PRKCA: variants seen among roughly 807,000 people sequenced by gnomAD.
The protein encoded by PRKCA is protein kinase C alpha.
A neutral mutation model predicts 87.0 loss-of-function variants in PRKCA; 27 were observed. That is an observed-to-expected ratio of 0.31 (90% CI 0.23 to 0.43). The LOEUF is 0.43. PRKCA is among the 20% of genes least tolerant of loss of function. The pLI is 1.00. For synonymous variants in PRKCA, 329 were observed against 311.1 expected, an observed-to-expected ratio of 1.06 and a Z score of -0.61; for missense variants, 518 against 852.3, an observed-to-expected ratio of 0.61 and a Z score of 4.88.
At chr17:66,796,816 C>T (rs1975681118) in intron 16 of PRKCA, 1 of 985,248 alleles carries the variant, frequency 1.0e-6, no homozygotes, top group Admixed American at 6.2e-5. Context: ...CTCCACTGTA[C>T]CCCAGCACTG....
At chr17:66,622,684 G>A (rs1482455056) in intron 3 of PRKCA, among the ~76,000 whole-genome samples, 9 of 152,196 alleles carry the variant, frequency 5.9e-5, no homozygotes, top group Admixed American at 6.5e-5. Flanking sequence ...AAGAAAAGTA[G>A]GTCTAATGGA....
intron 3 of PRKCA, among the ~76,000 whole-genome samples, chr17:66,520,811 CT>C (rs1031728070): frequency 6.6e-6 from 1 of 152,044 alleles, no homozygotes; most frequent in African/African-American, 2.4e-5. Context: ...AGATTTCTTC[CT>C]AAACTTATCA....
intron 14 of PRKCA, among the ~76,000 whole-genome samples, chr17:66,776,343 G>C (rs1288784744): frequency 1.3e-5 from 2 of 152,154 alleles, no homozygotes; most frequent in African/African-American, 4.8e-5. Context: ...ATGGAGTTTT[G>C]CTCTGTTGCC....
intron 2 of PRKCA, among the ~76,000 whole-genome samples, chr17:66,457,009 T>C (rs1012217772): frequency 6.6e-6 from 1 of 152,200 alleles, no homozygotes; most frequent in African/African-American, 2.4e-5. Context: ...GAGAGGTTCA[T>C]GTAAACCTTT....
chr17:66,553,509 G>A (rs1426302865), intron 3 of PRKCA, among the ~76,000 whole-genome samples: 1 of 152,206 alleles, frequency 6.6e-6, no homozygotes, highest in Non-Finnish European at 1.5e-5. Context: ...CCTCTTAAGT[G>A]TGGACTAGAT....
intron 13 of PRKCA, among the ~76,000 whole-genome samples, chr17:66,743,579 C>A (rs1470238257): frequency 2.6e-5 from 4 of 151,932 alleles, no homozygotes; most frequent in Non-Finnish European, 5.9e-5. Context: ...GATTTTTTTT[C>A]CTGTTTTATG....
chr17:66,440,682 C>T lies in PRKCA; in HGVS notation c.206-55519C>T, dbSNP rs76779107. On this transcript the variant is annotated intron_variant, in intron 2 of 16. Transcript: ENST00000413366. ...TTTGAGGCCTGGACAACCCACAGAC[C>T]GAGGGTGGGCTAGTGAGAGCCAGTG... Among the ~76,000 whole-genome samples, 1,288 of 152,072 alleles carry T rather than the reference C, an allele frequency of 8.5e-3. 16 individuals carry two copies. Among genetic ancestry groups the T allele is most frequent in the African/African-American group, 0.029 (1,209 of 41,472 alleles).
intron 2 of PRKCA, 89 bp downstream of exon 2, chr17:66,306,216 C>G (rs1567763577): frequency 4.4e-6 from 6 of 1,353,464 alleles, no homozygotes; most frequent in Non-Finnish European, 5.1e-6. Flanking sequence ...ATTTTCTTTC[C>G]AATAAAAAAA....
chr17:66,767,770 C>T (rs1216426245), intron 13 of PRKCA, among the ~76,000 whole-genome samples: 1 of 152,150 alleles, frequency 6.6e-6, no homozygotes, highest in Non-Finnish European at 1.5e-5. Context: ...AGGGCAACAT[C>T]ACTTCCTCTC....
chr17:66,307,224 T>C (rs1170664978), intron 2 of PRKCA, among the ~76,000 whole-genome samples: 1 of 152,176 alleles, frequency 6.6e-6, no homozygotes, highest in African/African-American at 2.4e-5. Flanking sequence ...CCCTACTGAG[T>C]GTATCATTTT....
Position 66,302,794 on chromosome 17 carries a change from A to G in PRKCA, c.-58A>G. 3.1e-6 allele frequency: 2 copies of G among 648,864 alleles called. No individual in the cohort carries two copies. The highest frequency in any genetic ancestry group is 4.6e-6 in the Non-Finnish European group (2 of 431,260). 40.2% of individuals were successfully genotyped at this position (648,864 alleles called of 1,614,324 possible). A position where few individuals can be genotyped will look rare whatever the true frequency, so the allele number is the denominator to read the frequency against. On this transcript the variant is annotated 5_prime_UTR_variant, in exon 1 of 17. Transcript: ENST00000413366. Reference sequence around the variant, plus strand: ...CACCTCTCCCCCGCCGCCCCCGCCCACCCGGCCCTCCGCGGCCGCAGCTCC... The same window carrying G: ...CACCTCTCCCCCGCCGCCCCCGCCCGCCCGGCCCTCCGCGGCCGCAGCTCC...
intron 8 of PRKCA, among the ~76,000 whole-genome samples, chr17:66,695,855 A>G (rs1028745003): frequency 1.4e-4 from 22 of 152,372 alleles, no homozygotes; most frequent in Non-Finnish European, 3.1e-4. Flanking sequence ...TGGATAATAT[A>G]TCACATATTA....
chr17:66,771,911 GC>G (rs921816725), intron 13 of PRKCA, among the ~76,000 whole-genome samples: 6 of 152,100 alleles, frequency 3.9e-5, no homozygotes, highest in Admixed American at 3.3e-4. Context: ...TATTTCTTTA[GC>G]TTTTCATTTT....
At chr17:66,379,747 G>C (rs1278254706) in intron 2 of PRKCA, among the ~76,000 whole-genome samples, 1 of 152,062 alleles carries the variant, frequency 6.6e-6, no homozygotes, top group Non-Finnish European at 1.5e-5. Flanking sequence ...CTTTTTTTGG[G>C]AGGTCGGTCA....
At chr17:66,449,864 G>GT (rs1914222606) in intron 2 of PRKCA, among the ~76,000 whole-genome samples, 2 of 151,898 alleles carry the variant, frequency 1.3e-5, no homozygotes, top group South Asian at 2.1e-4. Flanking sequence ...TTTTGTTGTT[G>GT]TTTTTTTGTT....
chr17:66,477,679 A>T (rs567412402), intron 2 of PRKCA, among the ~76,000 whole-genome samples: 2 of 152,228 alleles, frequency 1.3e-5, no homozygotes, highest in African/African-American at 2.4e-5. Flanking sequence ...CAGCCTGGGC[A>T]ACAGAGTGAG....
At chr17:66,464,320 A>G (rs1419807904) in intron 2 of PRKCA, among the ~76,000 whole-genome samples, 2 of 152,230 alleles carry the variant, frequency 1.3e-5, no homozygotes, top group South Asian at 4.1e-4. Context: ...GCAATTATGA[A>G]GAAGGCTGCC....
At chr17:66,515,478 A>G (rs895778617) in intron 3 of PRKCA, among the ~76,000 whole-genome samples, 1 of 152,128 alleles carries the variant, frequency 6.6e-6, no homozygotes, top group African/African-American at 2.4e-5. Flanking sequence ...AGTGGAATTA[A>G]CTGAGTTTCT....
chr17:66,669,146 G>T (rs1175598564), intron 5 of PRKCA, among the ~76,000 whole-genome samples: 1 of 151,794 alleles, frequency 6.6e-6, no homozygotes, highest in Non-Finnish European at 1.5e-5. Context: ...GGAACATAAT[G>T]CCATTTGAAC....
Sources: allele counts gnomAD v4.1 joint callset (sites outside exome capture counted in the v4.1 genomes callset), GRCh38; gene constraint gnomAD v4.1.1; transcripts MANE v1.5; gene names NCBI Gene and HGNC (gene_info 2026-07-23, HGNC 2026-07-21).